PAX9: variants seen among roughly 807,000 people sequenced by gnomAD.
The protein encoded by PAX9 is paired box 9.
Under a neutral mutation model 29.1 loss-of-function variants are expected in PAX9, and 6 were observed. The ratio of observed to expected loss-of-function variants is 0.21; its 90% CI spans 0.11 to 0.41. PAX9 has a LOEUF of 0.41. Among genes scored for constraint, PAX9 ranks in the 10% least tolerant of loss-of-function variants. The pLI is 1.00. For missense variants in PAX9, 443 were observed against 479.1 expected, an observed-to-expected ratio of 0.92 and a Z score of 0.70; for synonymous variants, 217 against 211.7, an observed-to-expected ratio of 1.03 and a Z score of -0.22.
rs1594477444 is a variant in PAX9 at position 36,678,338 on chromosome 14, T to C, written c.*1886T>C. ...ATCTTATAGAGAGCTTTGAACTGCA[T>C]TTATTTCTAAAGCAACCGAAATTCA... On this transcript the variant is annotated 3_prime_UTR_variant, in exon 4 of 4. Coordinates refer to ENST00000361487, the MANE Select transcript of PAX9 (RefSeq NM_001372076.1). 5.6e-6 allele frequency: 4 copies of C among 716,250 alleles called. No individual in the cohort carries two copies. Among genetic ancestry groups the C allele is most frequent in the Non-Finnish European group, 9.4e-6 (4 of 426,924 alleles). The allele number at this position is 716,250 out of a possible 1,614,324, so 44.4% of individuals were successfully genotyped here.
At chr14:36,668,016 T>C (rs1881569463) in intron 3 of PAX9, among the ~76,000 whole-genome samples, 1 of 152,240 alleles carries the variant, frequency 6.6e-6, no homozygotes, top group African/African-American at 2.4e-5. Context: ...AGAGATGTTA[T>C]GAGTATTCAA....
chr14:36,668,375 AC>A lies in PAX9; in HGVS notation c.771+1777del, dbSNP rs560477235. ...TCAAGCAGTCATAATCCCAAAAAAA[AC>A]CCTTTATACTTATTATTTATTTATT... On this transcript the variant is annotated intron_variant, in intron 3 of 3. Coordinates refer to ENST00000361487, the MANE Select transcript of PAX9 (RefSeq NM_001372076.1). Among the ~76,000 whole-genome samples the A allele has an allele frequency of 1.6e-3, 234 of 145,634 alleles. 2 individuals carry two copies. The highest frequency in any genetic ancestry group is 5.6e-3 in the African/African-American group (223 of 39,934).
rs1258408690 is a variant in PAX9 at position 36,666,471 on chromosome 14, G to T, written c.641G>T (p.Ser214Ile). 1.9e-6 allele frequency: 3 copies of T among 1,610,604 alleles called. No individual in the cohort carries two copies. The highest frequency in any genetic ancestry group is 1.7e-5 in the Admixed American group (1 of 59,782). Residue 214 changes from serine to isoleucine, a missense_variant, in exon 3 of 4, where the codon AGC becomes ATC. Physicochemically the swap from Ser to Ile is moderately radical, Grantham distance 142. Around this residue, in one of 2 missense-constraint regions of PAX9, gnomAD observed 336 missense variants for 317.2 expected, o/e 1.06. Coordinates refer to ENST00000361487, the MANE Select transcript of PAX9 (RefSeq NM_001372076.1). Reference protein sequence around the residue: ...IRSITDQVSDSSPYHSPKVEE... With the variant: ...IRSITDQVSDISPYHSPKVEE... ...CTCTTCTCTCCATCAGTGAGCGACA[G>T]CTCCCCCTACCACAGCCCCAAGGTG...
chr14:36,659,128 GT>G (rs1004745460), upstream of PAX9, among the ~76,000 whole-genome samples: 1 of 152,198 alleles, frequency 6.6e-6, no homozygotes. Context: ...CCTTACTGGT[GT>G]TTTGGTTTTG....
upstream of PAX9, chr14:36,658,547 T>G (rs1881126533): frequency 6.6e-6 from 1 of 152,392 alleles, no homozygotes; most frequent in African/African-American, 2.4e-5. Flanking sequence ...CACTGACCTG[T>G]AGACCCGGAG....
intron 3 of PAX9, among the ~76,000 whole-genome samples, chr14:36,674,578 T>C (rs1881814277): frequency 6.6e-6 from 1 of 152,230 alleles, no homozygotes; most frequent in Non-Finnish European, 1.5e-5. Flanking sequence ...TTAATTTCAG[T>C]TGAACATTGT....
chr14:36,669,092 T>C (rs11625262), intron 3 of PAX9, among the ~76,000 whole-genome samples: 73,525 of 151,644 alleles, frequency 0.48, 19,826 homozygotes, highest in East Asian at 0.75. Context: ...CTGAAAAGTT[T>C]CTAAGAATAA....
chr14:36,666,582 A>G lies in PAX9; in HGVS notation c.752A>G (p.Gln251Arg). 6.4e-7 allele frequency: 1 copy of G among 1,571,230 alleles called. No individual in the cohort carries two copies. Among genetic ancestry groups the G allele is most frequent in the Non-Finnish European group, 8.6e-7 (1 of 1,157,980 alleles). ...VNGLEKGALEQEAKYGQAPNG... is the reference protein window; with the variant it reads ...VNGLEKGALEREAKYGQAPNG... ...GGGTTGGAGAAGGGAGCCCTGGAGC[A>G]GGAAGCCAAGTACGGTCAGGTGAGG... The change falls in exon 3 of 4, where the codon CAG becomes CGG. Residue 251 changes from glutamine (Q) to arginine (R), a missense_variant. Coordinates refer to ENST00000361487, the MANE Select transcript of PAX9 (RefSeq NM_001372076.1).
At chr14:36,660,930 T>C (rs1333328687), upstream of PAX9, among the ~76,000 whole-genome samples, 1 of 152,232 alleles carries the variant, frequency 6.6e-6, no homozygotes, top group East Asian at 1.9e-4. Flanking sequence ...GGGAATTACA[T>C]CCATGTGCAG....
intron 3 of PAX9, among the ~76,000 whole-genome samples, chr14:36,673,459 C>T (rs1881768688): frequency 6.6e-6 from 1 of 151,858 alleles, no homozygotes; most frequent in South Asian, 2.1e-4. Context: ...CAATGTCCTG[C>T]CTGCCCCTAA....
chr14:36,666,214 A>G, intron 2 of PAX9: 5 of 538,506 alleles, frequency 9.3e-6, no homozygotes, highest in Non-Finnish European at 1.6e-5. Flanking sequence ...AAAAGAAAAA[A>G]GTGTCTTCCC....
intron 3 of PAX9, among the ~76,000 whole-genome samples, chr14:36,672,782 TTTG>T (rs1297107968): frequency 4.1e-5 from 4 of 98,306 alleles, no homozygotes; most frequent in African/African-American, 1.8e-4. Context: ...AAGATTTATG[TTTG>T]TTTTTTTTTT....
chr14:36,672,158 G>A (rs1053900760), intron 3 of PAX9: 24 of 152,150 alleles, frequency 1.6e-4, no homozygotes, highest in African/African-American at 5.8e-4. Flanking sequence ...CCATTGCTGG[G>A]GTTTCATTTG....
rs1882082416 is a variant in PAX9 at position 36,679,356 on chromosome 14, A to C, written c.*2904A>C. 17 of 974,384 alleles carry C rather than the reference A, an allele frequency of 1.7e-5. No individual in the cohort carries two copies. The South Asian group carries it at 7.1e-4, about 41-fold the overall frequency. 60.4% of individuals were successfully genotyped at this position (974,384 alleles called of 1,614,324 possible). A position where few individuals can be genotyped will look rare whatever the true frequency, so the allele number is the denominator to read the frequency against. ...AAATGCTCTAAATTAATAAAAAGTA[A>C]TAATTACCATGTTATCTTTTACTTT... is the stretch of plus-strand genomic sequence containing the variant. On this transcript the variant is annotated 3_prime_UTR_variant, in exon 4 of 4. Coordinates refer to ENST00000361487, the MANE Select transcript of PAX9 (RefSeq NM_001372076.1).
upstream of PAX9, chr14:36,658,553 C>G (rs775299643): frequency 8.5e-5 from 13 of 152,402 alleles, no homozygotes; most frequent in Non-Finnish European, 1.8e-4. Flanking sequence ...CCTGTAGACC[C>G]GGAGGAGCAG....
intron 2 of PAX9, among the ~76,000 whole-genome samples, chr14:36,663,855 C>T (rs1044935600): frequency 6.6e-6 from 1 of 152,218 alleles, no homozygotes; most frequent in Non-Finnish European, 1.5e-5. Flanking sequence ...TTGGAGAGTG[C>T]GGCCGGGGCT....
Position 36,663,301 on chromosome 14 carries a change from C to A in PAX9, c.409C>A (p.Gln137Lys). The change falls in exon 2 of 4, where the codon CAG (glutamine) becomes AAG (lysine). Residue 137 changes from glutamine to lysine, a missense_variant. Physicochemically the swap from Gln to Lys is moderately conservative, Grantham distance 53. Around this residue, in one of 2 missense-constraint regions of PAX9, gnomAD observed 336 missense variants for 317.2 expected, o/e 1.06. Transcript: ENST00000361487. ...LRNKIGNLAQ[Q>K]GHYDSYKQHQ... ...CAACAAGATCGGCAACTTGGCCCAG[C>A]AGGGTCATTACGACTCATACAAGCA... 3 of 1,614,172 alleles carry A rather than the reference C, an allele frequency of 1.9e-6. No individual in the cohort carries two copies. Among genetic ancestry groups the A allele is most frequent in the East Asian group, 2.2e-5 (1 of 44,866 alleles).
Position 36,662,905 on chromosome 14 carries a change from T to C in PAX9, c.13T>C (p.Phe5Leu). 6.2e-7 allele frequency: 1 copy of C among 1,611,606 alleles called. No homozygotes were observed. Residue 5 changes from phenylalanine to leucine, a missense_variant, in exon 2 of 4, where the codon TTC (phenylalanine) becomes CTC (leucine). Physicochemically the swap from Phe to Leu is conservative, Grantham distance 22 (BLOSUM62 0). Coordinates refer to ENST00000361487, the MANE Select transcript of PAX9 (RefSeq NM_001372076.1). Reference sequence around the variant, plus strand: ...GTGTGTTCATTTTGCAGAGCCAGCCTTCGGGGAGGTGAACCAGCTGGGAGG... The same window carrying C: ...GTGTGTTCATTTTGCAGAGCCAGCCCTCGGGGAGGTGAACCAGCTGGGAGG... The part of the protein sequence containing the change: MEPA[F>L]GEVNQLGGVF...
intron 3 of PAX9, among the ~76,000 whole-genome samples, chr14:36,672,852 C>CTTTT (rs3061562): frequency 4.2e-4 from 8 of 19,158 alleles, no homozygotes; most frequent in Non-Finnish European, 6.7e-4. Context: ...TTCTTTCTTC[C>CTTTT]TTTTTTTTTT....
Sources: gnomAD v4.1 joint callset for allele counts (sites outside exome capture counted in the v4.1 genomes callset) on GRCh38, gnomAD v4.1.1 for gene constraint, gnomAD v4.1.1 regional missense constraint, MANE v1.5 for transcripts, NCBI Gene and HGNC (gene_info 2026-07-23, HGNC 2026-07-21) for gene names.